The following TMEM181 variants were observed in gnomAD, a reference collection of about 807,000 sequenced individuals.
TMEM181 encodes G protein-coupled receptor 178.
Under a neutral mutation model 71.9 loss-of-function variants are expected in TMEM181, and 39 were observed. The observed-to-expected ratio is 0.54, with a 90% confidence interval of 0.42 to 0.71. The LOEUF (loss-of-function observed/expected upper bound fraction) is 0.71. Ranked by LOEUF, TMEM181 falls within the 30% of genes least tolerant of loss-of-function variation. The pLI is 0.00. For synonymous variants in TMEM181, 245 were observed against 228.8 expected, an observed-to-expected ratio of 1.07 and a Z score of -0.64; for missense variants, 595 against 583.0, an observed-to-expected ratio of 1.02 and a Z score of -0.21.
At chr6:158,602,475 A>T (rs1017895851) in intron 6 of TMEM181, among the ~76,000 whole-genome samples, 1 of 152,218 alleles carries the variant, frequency 6.6e-6, no homozygotes, top group Non-Finnish European at 1.5e-5. Context: ...GTGTTACTTT[A>T]TGTTACACCA....
chr6:158,582,799 CGTCTTTCAAAAG>C (rs1187710781), intron 3 of TMEM181, among the ~76,000 whole-genome samples: 2 of 152,146 alleles, frequency 1.3e-5, no homozygotes. Context: ...ACCAGTATTA[CGTCTTTCAAAAG>C]ATACTGCAGA....
chr6:158,608,488 C>T (rs539870245), intron 9 of TMEM181, 25 bp downstream of exon 9: 123 of 1,613,996 alleles, frequency 7.6e-5, no homozygotes, highest in East Asian at 1.1e-4. Flanking sequence ...CCCTCACTGC[C>T]GGGGGAGGTT....
At chr6:158,550,227 A>C (rs1433711006) in intron 1 of TMEM181, among the ~76,000 whole-genome samples, 1 of 151,676 alleles carries the variant, frequency 6.6e-6, no homozygotes, top group Non-Finnish European at 1.5e-5. Flanking sequence ...CTGTGAGGCT[A>C]AGAGACAGGG....
At chr6:158,558,785 T>C (rs1412829242), upstream of TMEM181, among the ~76,000 whole-genome samples, 1 of 152,186 alleles carries the variant, frequency 6.6e-6, no homozygotes, top group Non-Finnish European at 1.5e-5. Context: ...ATGTTTGGGC[T>C]GGTTGCGGTG....
chr6:158,537,171 G>A lies in TMEM181; in HGVS notation c.131+306G>A, dbSNP rs1011977107. Among the ~76,000 whole-genome samples, 13 of 152,138 alleles carry A rather than the reference G, an allele frequency of 8.5e-5. No individual in the cohort carries two copies. The East Asian group carries it at 2.5e-3, about 29-fold the overall frequency. ...GCCGAGGCTCCCGCCTCCCCGGAAA[G>A]GAGCTGCGGGTTGTGGCTCCTCCCT... On this transcript the variant is annotated intron_variant, in intron 1 of 16. Transcript: ENST00000367090.
intron 1 of TMEM181, among the ~76,000 whole-genome samples, chr6:158,567,822 A>G (rs551529843): frequency 3.5e-4 from 53 of 152,246 alleles, no homozygotes; most frequent in Non-Finnish European, 6.6e-4. Context: ...CAGGGCTGTG[A>G]TGACGGAGGG....
chr6:158,537,429 G>T (rs948215642), intron 1 of TMEM181, among the ~76,000 whole-genome samples: 13 of 152,234 alleles, frequency 8.5e-5, no homozygotes, highest in African/African-American at 2.9e-4. Flanking sequence ...GGGACACGGC[G>T]CCTGGGAGCG....
upstream of TMEM181, among the ~76,000 whole-genome samples, chr6:158,555,839 T>C (rs1781863634): frequency 2.6e-5 from 4 of 151,332 alleles, no homozygotes; most frequent in Non-Finnish European, 2.9e-5. Context: ...TAACTAGCCA[T>C]CGTGCGCCCA....
At chr6:158,600,827 C>T (rs1376126229) in intron 6 of TMEM181, among the ~76,000 whole-genome samples, 2 of 152,132 alleles carry the variant, frequency 1.3e-5, no homozygotes, top group Admixed American at 1.3e-4. Flanking sequence ...CTAACAGACT[C>T]TTAAGCTAGA....
chr6:158,593,888 G>A (rs554079935), intron 6 of TMEM181, among the ~76,000 whole-genome samples: 2 of 152,000 alleles, frequency 1.3e-5, no homozygotes, highest in Non-Finnish European at 1.5e-5. Context: ...ATTTGTTACA[G>A]TTAATGAACC....
chr6:158,593,370 G>A (rs569771404), intron 6 of TMEM181, among the ~76,000 whole-genome samples: 4 of 152,206 alleles, frequency 2.6e-5, no homozygotes, highest in Non-Finnish European at 5.9e-5. Context: ...TGGGATTAAT[G>A]TTTAATTTCT....
At chr6:158,629,183 G>A (rs560764949) in intron 14 of TMEM181, among the ~76,000 whole-genome samples, 1 of 152,200 alleles carries the variant, frequency 6.6e-6, no homozygotes, top group South Asian at 2.1e-4. Context: ...TTAGATCCTG[G>A]GTTCTTTCTT....
At chr6:158,616,032 T>G (rs943998101) in intron 10 of TMEM181, among the ~76,000 whole-genome samples, 2 of 152,222 alleles carry the variant, frequency 1.3e-5, no homozygotes, top group Non-Finnish European at 2.9e-5. Context: ...AAGTCCTTGG[T>G]AGCTTAATGT....
chr6:158,593,531 A>C (rs768767247), intron 6 of TMEM181, among the ~76,000 whole-genome samples: 4 of 152,374 alleles, frequency 2.6e-5, no homozygotes, highest in East Asian at 3.9e-4. Flanking sequence ...CCAGAACCTC[A>C]GGTGCTGGCA....
intron 10 of TMEM181, among the ~76,000 whole-genome samples, chr6:158,609,461 G>A (rs991977076): frequency 6.6e-6 from 1 of 152,050 alleles, no homozygotes; most frequent in African/African-American, 2.4e-5. Context: ...GAGCATTTTG[G>A]CTGGGAGGCA....
intron 15 of TMEM181, 49 bp downstream of exon 15, chr6:158,629,868 G>A (rs1248415540): frequency 6.7e-7 from 1 of 1,486,468 alleles, no homozygotes; most frequent in Non-Finnish European, 9.4e-7. Context: ...GGGCACAGAG[G>A]CCTGTGTTCA....
Position 158,625,172 on chromosome 6 carries a change from G to A in TMEM181, c.1023G>A (p.Arg341=). Residue 341 remains arginine (R), a synonymous_variant, in exon 12 of 17, where the codon CGG becomes CGA. Coordinates refer to ENST00000684151, the MANE Select transcript of TMEM181 (RefSeq NM_001376852.1). ...YILYLLFLIV[R]ACSELRHMPY... ...TGTACCTCTTGTTCTTGATAGTGCG[G>A]GCGTGTTCCGAGCTACGTCACATGC... The A allele has an allele frequency of 6.2e-7, 1 of 1,614,162 alleles. No homozygotes were observed. Among genetic ancestry groups the A allele is most frequent in the Non-Finnish European group, 8.5e-7 (1 of 1,180,022 alleles).
At chr6:158,592,741 C>T (rs1784176065) in intron 6 of TMEM181, among the ~76,000 whole-genome samples, 2 of 152,000 alleles carry the variant, frequency 1.3e-5, no homozygotes, top group African/African-American at 4.8e-5. Context: ...CTAGCTGAGA[C>T]CCCCATCTCT....
chr6:158,560,690 C>T (rs763157206), intron 1 of TMEM181, among the ~76,000 whole-genome samples: 38 of 152,140 alleles, frequency 2.5e-4, no homozygotes, highest in Non-Finnish European at 5.0e-4. Context: ...CGCCCAGCGC[C>T]GGGTGCGAGG....
Sources: gnomAD v4.1 joint callset for allele counts (sites outside exome capture counted in the v4.1 genomes callset) on GRCh38, gnomAD v4.1.1 for gene constraint, MANE v1.5 for transcripts, NCBI Gene and HGNC (gene_info 2026-07-23, HGNC 2026-07-21) for gene names.